TRAM2: variants seen among roughly 807,000 people sequenced by gnomAD.
TRAM2 encodes translocation associated membrane protein 2.
Under a neutral mutation model 51.0 loss-of-function variants are expected in TRAM2, and 12 were observed. The ratio of observed to expected loss-of-function variants is 0.24; its 90% CI spans 0.15 to 0.38. TRAM2 has a LOEUF of 0.38. Ranked by LOEUF, TRAM2 falls within the 10% of genes least tolerant of loss-of-function variation. The probability of loss-of-function intolerance (pLI) is 1.00; values close to 1 mark genes in which losing one functional copy is unlikely to be tolerated. For missense variants in TRAM2, 361 were observed against 462.0 expected, an observed-to-expected ratio of 0.78 and a Z score of 2.00; for synonymous variants, 175 against 179.4, an observed-to-expected ratio of 0.98 and a Z score of 0.20.
chr6:52,515,522 GA>G, intron 4 of TRAM2, among the ~76,000 whole-genome samples: 1 of 152,246 alleles, frequency 6.6e-6, no homozygotes, highest in Non-Finnish European at 1.5e-5. Flanking sequence ...GTAAAACAGA[GA>G]GTAAGCTGGG....
intron 10 of TRAM2, 107 bp from the exon 11 acceptor site, chr6:52,503,377 T>TGC: frequency 1.0e-6 from 1 of 971,402 alleles, no homozygotes; most frequent in South Asian, 1.3e-5. Flanking sequence ...GCCCAGCTGC[T>TGC]ATACATGGAT....
Position 52,576,805 on chromosome 6 carries a change from A to C in TRAM2, c.111T>G (p.Leu37=). 6.2e-7 allele frequency: 1 copy of C among 1,613,212 alleles called. No individual in the cohort carries two copies. The highest frequency in any genetic ancestry group is 2.2e-5 in the East Asian group (1 of 44,792). The part of the protein sequence containing the change: ...FCLVLCVLIG[L]MFEVTAKTAF... ...CTCCCCAGGCTCTCACCTCGAACAT[A>C]AGCCCGATGAGGACGCAGAGCACCA... Residue 37 remains leucine (L), a synonymous_variant, in exon 1 of 11, where the codon CTT becomes CTG. Transcript: ENST00000182527.
In TRAM2 at chr6:52,535,865, G is replaced by C; in HGVS notation, c.121-19C>G. 6.2e-7 allele frequency: 1 copy of C among 1,611,316 alleles called. No individual in the cohort carries two copies. Among genetic ancestry groups the C allele is most frequent in the Non-Finnish European group, 8.5e-7 (1 of 1,178,198 alleles). On this transcript the variant is annotated intron_variant, in intron 1 of 10. Coordinates refer to ENST00000182527, the MANE Select transcript of TRAM2 (RefSeq NM_012288.4). Reference sequence around the variant, plus strand: ...CTGTGACCTGTAAAACAAAGGAAAAGAGTTCCAGTTTAGCTTTTGGCCACA... The same window carrying C: ...CTGTGACCTGTAAAACAAAGGAAAACAGTTCCAGTTTAGCTTTTGGCCACA...
chr6:52,577,021 T>TCTCCCACAGCCGCTCGCCCGCC lies in TRAM2; in HGVS notation c.-128_-107dup. ...GTCCGCCCGCCGGCCCGCCGCCCGC[T>TCTCCCACAGCCGCTCGCCCGCC]CTCCCACAGCCGCTCGCCCGCCCAG... is the stretch of plus-strand genomic sequence containing the variant. On this transcript the variant is annotated 5_prime_UTR_variant, in exon 1 of 11. Transcript: ENST00000182527. 7.9e-7 allele frequency: 1 copy of TCTCCCACAGCCGCTCGCCCGCC among 1,267,122 alleles called. No homozygotes were observed. Among genetic ancestry groups the TCTCCCACAGCCGCTCGCCCGCC allele is most frequent in the Non-Finnish European group, 1.0e-6 (1 of 1,000,854 alleles). 78.5% of individuals were successfully genotyped at this position (1,267,122 alleles called of 1,614,324 possible). A position where few individuals can be genotyped will look rare whatever the true frequency, so the allele number is the denominator to read the frequency against.
chr6:52,509,469 G>T, intron 5 of TRAM2, 59 bp downstream of exon 5: 1 of 1,557,054 alleles, frequency 6.4e-7, no homozygotes, highest in South Asian at 1.1e-5. Context: ...ACTCCGCTGG[G>T]ACAGGAAGGC....
chr6:52,558,783 G>A (rs76442345), intron 1 of TRAM2, among the ~76,000 whole-genome samples: 3 of 152,272 alleles, frequency 2.0e-5, no homozygotes, highest in Admixed American at 6.5e-5. Context: ...TGGCAAATAC[G>A]ATCCCTCTAT....
chr6:52,527,856 T>G (rs1766812294), intron 2 of TRAM2, among the ~76,000 whole-genome samples: 1 of 152,206 alleles, frequency 6.6e-6, no homozygotes. Flanking sequence ...TGCACAATTG[T>G]TACACTTAAT....
chr6:52,515,791 CTCCA>C (rs1422378025), intron 4 of TRAM2: 2 of 530,200 alleles, frequency 3.8e-6, no homozygotes, highest in South Asian at 2.4e-5. Flanking sequence ...AGATGACTCT[CTCCA>C]GCTATAAAAT....
intron 1 of TRAM2, among the ~76,000 whole-genome samples, chr6:52,572,856 T>C (rs1767703000): frequency 6.6e-6 from 1 of 152,132 alleles, no homozygotes; most frequent in African/African-American, 2.4e-5. Flanking sequence ...GACAAGTCAA[T>C]CAGTGTCAGG....
chr6:52,518,578 G>A (rs993798020), intron 2 of TRAM2, among the ~76,000 whole-genome samples: 1 of 152,188 alleles, frequency 6.6e-6, no homozygotes, highest in Non-Finnish European at 1.5e-5. Context: ...CCTGAATCAA[G>A]GCAGGAGAAG....
chr6:52,516,419 G>C (rs1052401260), intron 3 of TRAM2: 4 of 602,412 alleles, frequency 6.6e-6, no homozygotes, highest in Non-Finnish European at 1.2e-5. Flanking sequence ...TTCTCTCTGT[G>C]TAATAAATAC....
At chr6:52,548,715 T>G (rs1234091239) in intron 1 of TRAM2, among the ~76,000 whole-genome samples, 1 of 152,246 alleles carries the variant, frequency 6.6e-6, no homozygotes, top group South Asian at 2.1e-4. Flanking sequence ...CTGAACGATG[T>G]GCCTAAGATC....
chr6:52,512,391 G>A (rs1422484749), intron 4 of TRAM2, among the ~76,000 whole-genome samples: 3 of 152,170 alleles, frequency 2.0e-5, no homozygotes, highest in African/African-American at 4.8e-5. Context: ...GGAAAAGGGT[G>A]GAGGGAGGAG....
At chr6:52,570,412 T>C (rs1387420226) in intron 1 of TRAM2, among the ~76,000 whole-genome samples, 1 of 151,984 alleles carries the variant, frequency 6.6e-6, no homozygotes, top group African/African-American at 2.4e-5. Context: ...CAAAGAAAAA[T>C]AAAGCAGCCG....
chr6:52,563,896 A>AT (rs1196171959), intron 1 of TRAM2, among the ~76,000 whole-genome samples: 1 of 28,736 alleles, frequency 3.5e-5, no homozygotes, highest in East Asian at 1.8e-3. Context: ...AATGGTACCT[A>AT]TTCCAAAAAA....
In TRAM2 at chr6:52,516,007, G is replaced by A. The variant is rs201183470; in HGVS notation, c.410C>T (p.Thr137Met). 270 of 1,613,948 alleles carry A rather than the reference G, an allele frequency of 1.7e-4. No homozygotes were observed. The highest frequency in any genetic ancestry group is 4.5e-4 in the Admixed American group (27 of 60,022). ...TCAGCAGTCCTGAGAATGGCTCACC[G>A]TCACCACCACGTAGAAGCACCAAAT... ...SVIWCFYVVVTEGYLTNPRSL... is the reference protein window; with the variant it reads ...SVIWCFYVVVMEGYLTNPRSL... The change falls in exon 4 of 11, where the codon ACG (threonine) becomes ATG (methionine). Residue 137 changes from threonine (T) to methionine (M), a missense_variant and splice_region_variant. Physicochemically the swap from Thr to Met is moderately conservative, Grantham distance 81. Transcript: ENST00000182527.
At chr6:52,522,293 G>T (rs1766691562) in intron 2 of TRAM2, among the ~76,000 whole-genome samples, 1 of 152,272 alleles carries the variant, frequency 6.6e-6, no homozygotes, top group Non-Finnish European at 1.5e-5. Context: ...TCCCACAGGG[G>T]TGAGGGAGGC....
At chr6:52,539,540 C>CAA (rs3831836) in intron 1 of TRAM2, among the ~76,000 whole-genome samples, 14 of 140,726 alleles carry the variant, frequency 9.9e-5, no homozygotes, top group South Asian at 8.9e-4. Flanking sequence ...ATTTACACAA[C>CAA]AAAAAAAAAA....
chr6:52,548,868 T>C (rs1327731732), intron 1 of TRAM2, among the ~76,000 whole-genome samples: 2 of 152,210 alleles, frequency 1.3e-5, no homozygotes, highest in Admixed American at 6.5e-5. Context: ...TTTATCTCCA[T>C]ACCCACAGTG....
Sources: gnomAD v4.1 joint callset for allele counts (sites outside exome capture counted in the v4.1 genomes callset) on GRCh38, gnomAD v4.1.1 for gene constraint, MANE v1.5 for transcripts, NCBI Gene and HGNC (gene_info 2026-07-23, HGNC 2026-07-21) for gene names.